Variants in PLGRKT observed in about 807,000 individuals in gnomAD.
PLGRKT encodes the protein plasminogen receptor with a C-terminal lysine.
In PLGRKT, 22 loss-of-function variants were observed where a neutral mutation model predicts 18.5. That is an observed-to-expected ratio of 1.19 (90% CI 0.85 to 1.70). The LOEUF is 1.70. Ranked by LOEUF, PLGRKT falls within the 40% of genes most tolerant of loss-of-function variation. PLGRKT has a pLI of 0.00. For synonymous variants in PLGRKT, 72 were observed against 52.8 expected, an observed-to-expected ratio of 1.36 and a Z score of -1.58; for missense variants, 235 against 174.4, an observed-to-expected ratio of 1.35 and a Z score of -1.96.
Position 5,418,778 on chromosome 9 carries a change from G to C in PLGRKT, c.81+13119C>G. 1.3e-6 allele frequency: 1 copy of C among 773,610 alleles called. No homozygotes were observed. 47.9% of individuals were successfully genotyped at this position (773,610 alleles called of 1,614,324 possible). A position where few individuals can be genotyped will look rare whatever the true frequency, so the allele number is the denominator to read the frequency against. On this transcript the variant is annotated intron_variant, in intron 3 of 5. Coordinates refer to ENST00000223864, the MANE Select transcript of PLGRKT (RefSeq NM_018465.4). This position sits in a 1 kb window ranked among gnomAD's most constrained non-coding sequence, Gnocchi z 4.2. ...AGGACCTCGGGGTCGTCGAGGAGCT[G>C]CGACACGGAGAAGTCAGGGGGCAGC...
intron 3 of PLGRKT, among the ~76,000 whole-genome samples, chr9:5,417,184 T>C (rs1350564532): frequency 6.6e-6 from 1 of 152,202 alleles, no homozygotes; most frequent in African/African-American, 2.4e-5. Flanking sequence ...TCAAAGGGGC[T>C]GTGTGGGCAG....
chr9:5,397,237 G>T (rs1042361604), intron 3 of PLGRKT, among the ~76,000 whole-genome samples: 6 of 151,844 alleles, frequency 4.0e-5, no homozygotes, highest in African/African-American at 1.5e-4. Flanking sequence ...TTCCAGGTAA[G>T]ATCAAAGAAG....
In PLGRKT at chr9:5,358,105, C is replaced by T; in HGVS notation, c.*134G>A. 3.3e-6 allele frequency: 2 copies of T among 604,952 alleles called. No homozygotes were observed. The highest frequency in any genetic ancestry group is 3.2e-5 in the Admixed American group (1 of 31,480). 37.5% of individuals were successfully genotyped at this position (604,952 alleles called of 1,614,324 possible). A position where few individuals can be genotyped will look rare whatever the true frequency, so the allele number is the denominator to read the frequency against. Reference sequence around the variant, plus strand: ...TGTTATAAATTTTATTTTAAAATAGCTCAAAACTATCTTGCATTTTAATAT... The same window carrying T: ...TGTTATAAATTTTATTTTAAAATAGTTCAAAACTATCTTGCATTTTAATAT... On this transcript the variant is annotated 3_prime_UTR_variant, in exon 6 of 6. Transcript: ENST00000223864.
At chr9:5,432,979 T>G (rs1034057336) in intron 2 of PLGRKT, among the ~76,000 whole-genome samples, 9 of 151,724 alleles carry the variant, frequency 5.9e-5, no homozygotes, top group Non-Finnish European at 8.8e-5. Context: ...GAGGAGCATC[T>G]CTGCCCGGCC....
chr9:5,392,855 T>A (rs2131112880), intron 3 of PLGRKT, among the ~76,000 whole-genome samples: 1 of 151,890 alleles, frequency 6.6e-6, no homozygotes, highest in Non-Finnish European at 1.5e-5. Context: ...TTATTATTTA[T>A]TTTTGAGACA....
chr9:5,405,564 A>C (rs1818240076), intron 3 of PLGRKT, among the ~76,000 whole-genome samples: 1 of 152,224 alleles, frequency 6.6e-6, no homozygotes, highest in Admixed American at 6.5e-5. Context: ...CATATGTAGA[A>C]AATTGAAACT....
intron 3 of PLGRKT, among the ~76,000 whole-genome samples, chr9:5,410,330 G>A (rs190162253): frequency 7.4e-4 from 112 of 152,146 alleles, no homozygotes; most frequent in Non-Finnish European, 1.1e-3. Flanking sequence ...GAGGTCAGGA[G>A]TTTAAGACCA....
intron 3 of PLGRKT, among the ~76,000 whole-genome samples, chr9:5,430,145 T>C (rs1447641039): frequency 6.6e-6 from 1 of 152,200 alleles, no homozygotes; most frequent in African/African-American, 2.4e-5. Context: ...CTCATGCTGT[T>C]TGCTGTGCTG....
intron 3 of PLGRKT, among the ~76,000 whole-genome samples, chr9:5,363,475 C>T (rs559640626): frequency 6.6e-6 from 1 of 152,126 alleles, no homozygotes; most frequent in East Asian, 2.0e-4. Context: ...CTTCTCTGGC[C>T]CTCTCCAGCT....
At position 5,437,850 on chromosome 9, in the gene PLGRKT, T is replaced by G. The variant is rs566396531; in HGVS notation, c.-194A>C. Reference sequence around the variant, plus strand: ...GCAAACCTCCAGGCCCGGGCTCCTTTCGCCCGCTGCAGGGACCGGGCCTCG... The same window carrying G: ...GCAAACCTCCAGGCCCGGGCTCCTTGCGCCCGCTGCAGGGACCGGGCCTCG... On this transcript the variant is annotated 5_prime_UTR_variant, in exon 1 of 6. Coordinates refer to ENST00000223864, the MANE Select transcript of PLGRKT (RefSeq NM_018465.4). 2.0e-5 allele frequency: 3 copies of G among 152,360 alleles called. No individual in the cohort carries two copies. The highest frequency in any genetic ancestry group is 4.1e-4 in the South Asian group (2 of 4,830). The allele number at this position is 152,360 out of a possible 1,614,324, so 9.4% of individuals were successfully genotyped here.
At chr9:5,404,984 A>G (rs1163636480) in intron 3 of PLGRKT, among the ~76,000 whole-genome samples, 2 of 152,182 alleles carry the variant, frequency 1.3e-5, no homozygotes, top group East Asian at 3.8e-4. Flanking sequence ...TATACCAACA[A>G]TAGACAAGCA....
chr9:5,401,207 T>C (rs1371344314), intron 3 of PLGRKT, among the ~76,000 whole-genome samples: 2 of 151,720 alleles, frequency 1.3e-5, no homozygotes, highest in Non-Finnish European at 2.9e-5. Context: ...CACAGGACTA[T>C]AAGCTCAAGT....
At chr9:5,424,440 ATATAT>A (rs201859266) in intron 3 of PLGRKT, among the ~76,000 whole-genome samples, 2,175 of 112,222 alleles carry the variant, frequency 0.019, 83 homozygotes, top group African/African-American at 0.065. Context: ...ATATTATAAA[ATATAT>A]TATATATTAT....
chr9:5,419,542 G>C (rs1045837451), intron 3 of PLGRKT, among the ~76,000 whole-genome samples: 3 of 151,422 alleles, frequency 2.0e-5, no homozygotes, highest in Admixed American at 1.3e-4. Flanking sequence ...CACAAAAAAA[G>C]ACACAAAAAA....
intron 3 of PLGRKT, among the ~76,000 whole-genome samples, chr9:5,402,726 C>A (rs1162340254): frequency 1.3e-5 from 2 of 151,968 alleles, no homozygotes; most frequent in East Asian, 3.8e-4. Flanking sequence ...AAATAGTGAT[C>A]TGAATCAGCA....
chr9:5,368,338 C>T (rs1205698363), intron 3 of PLGRKT, among the ~76,000 whole-genome samples: 7 of 152,136 alleles, frequency 4.6e-5, no homozygotes, highest in Admixed American at 2.0e-4. Context: ...ACCTAGGTGC[C>T]CATCAATGGT....
In PLGRKT at chr9:5,430,154, T is replaced by G. The variant is rs564787296; in HGVS notation, c.81+1743A>C. ...ACCACGCTCATGCTGTTTGCTGTGC[T>G]GTGAGTAATAAAGTCCTCTGACTCT... On this transcript the variant is annotated intron_variant, in intron 3 of 5. Transcript: ENST00000223864. Among the ~76,000 whole-genome samples the G allele has an allele frequency of 9.8e-5, 15 of 152,360 alleles. No individual in the cohort carries two copies. In the South Asian group the frequency reaches 2.7e-3, roughly 27 times the overall value.
chr9:5,419,011 G>A (rs1032841323), intron 3 of PLGRKT: 5 of 538,020 alleles, frequency 9.3e-6, no homozygotes, highest in Non-Finnish European at 6.5e-6. Flanking sequence ...AGGCCAAGGG[G>A]AAGGGGAGGG....
intron 3 of PLGRKT, among the ~76,000 whole-genome samples, chr9:5,413,539 C>T (rs569263830): frequency 6.6e-6 from 1 of 152,090 alleles, no homozygotes; most frequent in African/African-American, 2.4e-5. Context: ...AATGAAGATG[C>T]CATGCTGCTA....
Sources: gnomAD v4.1 joint callset for allele counts (sites outside exome capture counted in the v4.1 genomes callset) on GRCh38, gnomAD v4.1.1 for gene constraint, Gnocchi (gnomAD v3.1) non-coding constraint, MANE v1.5 for transcripts, NCBI Gene and HGNC (gene_info 2026-07-23, HGNC 2026-07-21) for gene names.